TNFRSF11A: variants seen among roughly 807,000 people sequenced by gnomAD.
TNFRSF11A encodes TNF receptor superfamily member 11a, also known as tumor necrosis factor receptor superfamily member 11A.
In TNFRSF11A, 32 loss-of-function variants were observed where a neutral mutation model predicts 55.7. The ratio of observed to expected loss-of-function variants is 0.57; its 90% CI spans 0.43 to 0.77. The LOEUF (loss-of-function observed/expected upper bound fraction) is 0.77, where lower values mean the gene tolerates loss of function less well. Ranked by LOEUF, TNFRSF11A falls within the 30% of genes least tolerant of loss-of-function variation. The pLI is 0.00. For synonymous variants in TNFRSF11A, 311 were observed against 331.0 expected (o/e 0.94, Z 0.65); for missense variants, 753 against 809.8 (o/e 0.93, Z 0.85).
At chr18:62,335,170 C>T (rs1040961642) in intron 1 of TNFRSF11A, among the ~76,000 whole-genome samples, 2 of 145,322 alleles carry the variant, frequency 1.4e-5, no homozygotes, top group African/African-American at 5.0e-5. Context: ...AGTGCAGTGG[C>T]GCGATCTCAG....
chr18:62,327,311 C>A (rs1194100021), intron 1 of TNFRSF11A, among the ~76,000 whole-genome samples: 1 of 152,136 alleles, frequency 6.6e-6, no homozygotes, highest in African/African-American at 2.4e-5. Flanking sequence ...TTCAGAGAAA[C>A]CTCTGCCCGT....
chr18:62,362,317 C>G (rs1434736837), intron 7 of TNFRSF11A, among the ~76,000 whole-genome samples: 1 of 151,200 alleles, frequency 6.6e-6, no homozygotes, highest in Non-Finnish European at 1.5e-5. Context: ...ATGGTGAAAC[C>G]CCATCTGTAC....
At chr18:62,371,181 A>C (rs968915724) in intron 9 of TNFRSF11A, among the ~76,000 whole-genome samples, 3 of 152,224 alleles carry the variant, frequency 2.0e-5, no homozygotes, top group Admixed American at 6.5e-5. Context: ...TTGTGGAGAC[A>C]GACAGGACCC....
intron 9 of TNFRSF11A, among the ~76,000 whole-genome samples, chr18:62,373,768 T>C (rs1339422919): frequency 2.0e-5 from 3 of 152,288 alleles, no homozygotes; most frequent in Non-Finnish European, 2.9e-5. Flanking sequence ...CCTAGCATTA[T>C]AGACTCTCCA....
chr18:62,325,326 G>C lies in TNFRSF11A; in HGVS notation c.-27G>C. ...CTGGGCCACAGAGGCCGCTGAGGCC[G>C]CGGCGCCCGCCAGCCTGTCCCGCGC... On this transcript the variant is annotated 5_prime_UTR_variant, in exon 1 of 10. Transcript: ENST00000586569. This position sits in a 1 kb window ranked among gnomAD's most constrained non-coding sequence, Gnocchi z 4.7. 1.0e-6 allele frequency: 1 copy of C among 997,042 alleles called. No individual in the cohort carries two copies. The highest frequency in any genetic ancestry group is 1.2e-6 in the Non-Finnish European group (1 of 835,926). The allele number at this position is 997,042 out of a possible 1,614,324, so 61.8% of individuals were successfully genotyped here.
intron 3 of TNFRSF11A, among the ~76,000 whole-genome samples, chr18:62,353,649 A>T (rs1909004170): frequency 6.6e-6 from 1 of 152,226 alleles, no homozygotes; most frequent in South Asian, 2.1e-4. Context: ...GCAAATAATG[A>T]GGACTATTGA....
Position 62,368,863 on chromosome 18 carries a change from G to A in TNFRSF11A, c.946G>A (p.Gly316Ser). ...CTGTCAGGGCACATGTGTAGGAGGT[G>A]GTCCCTACGCACAAGGCGAAGATGC... is the stretch of plus-strand genomic sequence containing the variant. ...GVCQGTCVGG[G>S]PYAQGEDARM... The change falls in exon 9 of 10, where the codon GGT becomes AGT. Residue 316 changes from glycine to serine, a missense_variant. Gly to Ser is a moderately conservative substitution (Grantham distance 56). This residue lies in a region of TNFRSF11A where 567 missense variants were observed against 596.7 expected (regional missense o/e 0.95). Coordinates refer to ENST00000586569, the MANE Select transcript of TNFRSF11A (RefSeq NM_003839.4). 1.2e-6 allele frequency: 2 copies of A among 1,614,210 alleles called. No homozygotes were observed. Among genetic ancestry groups the A allele is most frequent in the Non-Finnish European group, 8.5e-7 (1 of 1,180,038 alleles).
Position 62,370,319 on chromosome 18 carries a change from G to A in TNFRSF11A, c.1567+835G>A, listed in dbSNP as rs1204857895. On this transcript the variant is annotated intron_variant, in intron 9 of 9. Coordinates refer to ENST00000586569, the MANE Select transcript of TNFRSF11A (RefSeq NM_003839.4). The stretch of plus-strand genomic sequence containing the variant: ...TCAGGGATCTCTTTGAGAATCTTCC[G>A]AAAGCTACAGACACTCCCTCCAGAA... Among the ~76,000 whole-genome samples, 5 of 152,240 alleles carry A rather than the reference G, an allele frequency of 3.3e-5. No homozygotes were observed. The East Asian group carries it at 7.7e-4, about 23-fold the overall frequency.
At chr18:62,384,688 C>A in intron 9 of TNFRSF11A, 63 bp from the exon 10 acceptor site, 4 of 1,576,468 alleles carry the variant, frequency 2.5e-6, no homozygotes, top group Non-Finnish European at 2.6e-6. Context: ...ACCTTCCTCT[C>A]GGCAGACCCT....
chr18:62,346,291 C>T (rs1315627518), intron 1 of TNFRSF11A, among the ~76,000 whole-genome samples: 1 of 152,204 alleles, frequency 6.6e-6, no homozygotes, highest in Non-Finnish European at 1.5e-5. Flanking sequence ...ATGAATCCAG[C>T]TTTTTGACCC....
intron 8 of TNFRSF11A, 110 bp downstream of exon 8, chr18:62,366,870 A>C: frequency 8.9e-7 from 1 of 1,119,168 alleles, no homozygotes; most frequent in Non-Finnish European, 1.3e-6. Flanking sequence ...TTTTTTTGAG[A>C]CGGAGTCTCG....
intron 9 of TNFRSF11A, among the ~76,000 whole-genome samples, chr18:62,381,754 A>G (rs983125111): frequency 2.6e-5 from 4 of 152,242 alleles, no homozygotes; most frequent in African/African-American, 7.2e-5. Context: ...ATTTTATTAA[A>G]TAAACATGGT....
rs1186570881 is a variant in TNFRSF11A at position 62,389,358 on chromosome 18, C to G, written c.*4324C>G. The G allele has an allele frequency of 6.6e-6, 1 of 152,378 alleles. No homozygotes were observed. Among genetic ancestry groups the G allele is most frequent in the East Asian group, 1.9e-4 (1 of 5,186 alleles). The allele number at this position is 152,378 out of a possible 1,614,324, so 9.4% of individuals were successfully genotyped here. On this transcript the variant is annotated 3_prime_UTR_variant, in exon 10 of 10. Transcript: ENST00000586569. ...TGACACTGGGCAGTGGCGGTGCCAG[C>G]AGTGAGCACAGGCGGGGTCTAGGTG...
intron 1 of TNFRSF11A, among the ~76,000 whole-genome samples, chr18:62,327,155 G>A (rs554219273): frequency 1.6e-3 from 240 of 152,326 alleles, no homozygotes; most frequent in African/African-American, 5.6e-3. Flanking sequence ...GTGAGAGCCT[G>A]TGTGGGCTGG....
rs1911897237 is a variant in TNFRSF11A at position 62,389,108 on chromosome 18, AATC to A, written c.*4080_*4082del. On this transcript the variant is annotated 3_prime_UTR_variant, in exon 10 of 10. Coordinates refer to ENST00000586569, the MANE Select transcript of TNFRSF11A (RefSeq NM_003839.4). ...CAAAGCCCTAAACACTCTGTTGGTG[AATC>A]ATCATGTTTATTGAGTGTGCTTTTA... The A allele has an allele frequency of 6.6e-6, 1 of 152,282 alleles. No individual in the cohort carries two copies. Among genetic ancestry groups the A allele is most frequent in the South Asian group, 2.1e-4 (1 of 4,826 alleles). The allele number at this position is 152,282 out of a possible 1,614,324, so 9.4% of individuals were successfully genotyped here.
At chr18:62,341,836 CTTT>C (rs34047775) in intron 1 of TNFRSF11A, among the ~76,000 whole-genome samples, 1 of 85,216 alleles carries the variant, frequency 1.2e-5, no homozygotes, top group Non-Finnish European at 2.1e-5. Flanking sequence ...CTGAGAATGG[CTTT>C]TTTTTTTTTT....
Position 62,389,860 on chromosome 18 carries a change from G to A in TNFRSF11A, c.*4826G>A, listed in dbSNP as rs554209463. 6.6e-6 allele frequency: 1 copy of A among 152,242 alleles called. No individual in the cohort carries two copies. The highest frequency in any genetic ancestry group is 2.4e-5 in the African/African-American group (1 of 41,450). The allele number at this position is 152,242 out of a possible 1,614,324, so 9.4% of individuals were successfully genotyped here. A position where few individuals can be genotyped will look rare whatever the true frequency, so the allele number is the denominator to read the frequency against. ...TCCCTGTGTGATAGAAAATGCAGAC[G>A]TTTTGCAGGCAGACCTGGTTCATGA... On this transcript the variant is annotated 3_prime_UTR_variant, in exon 10 of 10. Coordinates refer to ENST00000586569, the MANE Select transcript of TNFRSF11A (RefSeq NM_003839.4).
intron 1 of TNFRSF11A, among the ~76,000 whole-genome samples, chr18:62,341,920 C>G (rs138594170): frequency 6.9e-6 from 1 of 144,796 alleles, no homozygotes; most frequent in Non-Finnish European, 1.5e-5. Flanking sequence ...TTCTTCTCTC[C>G]GGGTCAAACT....
intron 8 of TNFRSF11A, among the ~76,000 whole-genome samples, chr18:62,368,297 C>T (rs1477857687): frequency 6.6e-6 from 1 of 152,052 alleles, no homozygotes; most frequent in Non-Finnish European, 1.5e-5. Flanking sequence ...ATACATAGAA[C>T]GTAGTTTCAG....
Sources: gnomAD v4.1 joint callset for allele counts (sites outside exome capture counted in the v4.1 genomes callset) on GRCh38, gnomAD v4.1.1 for gene constraint, gnomAD v4.1.1 regional missense constraint, Gnocchi (gnomAD v3.1) non-coding constraint, MANE v1.5 for transcripts, NCBI Gene and HGNC (gene_info 2026-07-23, HGNC 2026-07-21) for gene names.